Variants in ZDHHC13 observed in about 807,000 individuals in gnomAD.
The protein encoded by ZDHHC13 is zDHHC palmitoyltransferase 13.
In ZDHHC13, 85 loss-of-function variants were observed where a neutral mutation model predicts 86.0. The observed-to-expected ratio is 0.99, with a 90% CI of 0.83 to 1.18. The LOEUF (loss-of-function observed/expected upper bound fraction) is 1.18. Ranked by LOEUF, ZDHHC13 falls within the 50% of genes most tolerant of loss-of-function variation. ZDHHC13 has a pLI of 0.00. For missense variants in ZDHHC13, 711 were observed against 730.2 expected, an observed-to-expected ratio of 0.97 and a Z score of 0.30; for synonymous variants, 263 against 246.4, an observed-to-expected ratio of 1.07 and a Z score of -0.63.
chr11:19,168,531 C>A (rs1850134973), intron 14 of ZDHHC13: 1 of 152,402 alleles, frequency 6.6e-6, no homozygotes, highest in African/African-American at 2.4e-5. Context: ...AACAGTCCCA[C>A]CTTATATTCA....
chr11:19,159,050 A>C lies in ZDHHC13; in HGVS notation c.1108+10A>C. 1 of 1,523,898 alleles carries C rather than the reference A, an allele frequency of 6.6e-7. No individual in the cohort carries two copies. The highest frequency in any genetic ancestry group is 8.9e-7 in the Non-Finnish European group (1 of 1,127,018). 94.4% of individuals were successfully genotyped at this position (1,523,898 alleles called of 1,614,324 possible). A position where few individuals can be genotyped will look rare whatever the true frequency, so the allele number is the denominator to read the frequency against. On this transcript the variant is annotated intron_variant, in intron 10 of 16. Transcript: ENST00000446113. The stretch of plus-strand genomic sequence containing the variant: ...ATCTTATTTTTTCCTGATATCCTTT[A>C]AGCATCAATTTTGATGTGTATCTCA...
chr11:19,141,250 T>A lies in ZDHHC13; in HGVS notation c.28-1728T>A, dbSNP rs556496026. Among the ~76,000 whole-genome samples, 5 of 152,160 alleles carry A rather than the reference T, an allele frequency of 3.3e-5. No homozygotes were observed. In the East Asian group the frequency reaches 7.7e-4, roughly 24 times the overall value. ...GAGGATTGGTTATTATGTAAATGAG[T>A]AGTCAAAGATATCACTGTGATTAGG... On this transcript the variant is annotated intron_variant, in intron 1 of 16. Transcript: ENST00000446113.
At chr11:19,172,562 A>G (rs139343076) in intron 15 of ZDHHC13, among the ~76,000 whole-genome samples, 161 bp from the exon 16 acceptor site, 1 of 152,320 alleles carries the variant, frequency 6.6e-6, no homozygotes, top group African/African-American at 2.4e-5. Flanking sequence ...TTGGAATTAA[A>G]TGTTCTTTAC....
At position 19,175,110 on chromosome 11, in the gene ZDHHC13, C is replaced by T. The variant is rs143289998; in HGVS notation, c.1731-712C>T. On this transcript the variant is annotated intron_variant, in intron 16 of 16. Transcript: ENST00000446113. ...AGTTACTTATAAGGTTTAGGGAGGC[C>T]GGGTGCGGTGGCTCATGCCTGTAAT... is the stretch of plus-strand genomic sequence containing the variant. 6.8e-3 allele frequency among the ~76,000 whole-genome samples: 1,026 copies of T among 151,944 alleles called. 13 individuals carry two copies. The highest frequency in any genetic ancestry group is 0.023 in the African/African-American group (964 of 41,466).
rs1429755011 is a variant in ZDHHC13 at position 19,165,117 on chromosome 11, A to G, written c.1362A>G (p.Gln454=). ...ACTGCTGTGTGGCTCGATATGATCA[A>G]CACTGCCTGTGGACTGGACGGTGCA... ...VCNCCVARYD[Q]HCLWTGRCIG... The change falls in exon 13 of 17, where the codon CAA becomes CAG. Residue 454 remains glutamine, a synonymous_variant. Coordinates refer to ENST00000446113, the MANE Select transcript of ZDHHC13 (RefSeq NM_019028.3). 2 of 1,612,872 alleles carry G rather than the reference A, an allele frequency of 1.2e-6. No homozygotes were observed. Among genetic ancestry groups the G allele is most frequent in the Non-Finnish European group, 1.7e-6 (2 of 1,179,400 alleles).
chr11:19,170,474 T>A lies in ZDHHC13; in HGVS notation c.1538T>A (p.Ile513Asn). The stretch of plus-strand genomic sequence containing the variant: ...GGATTATGGACTTACCTCAATCAGA[T>A]TGTGGCCTGTTCCCCTTGGGTTTTA... The part of the protein sequence containing the change: ...EDGLWTYLNQ[I>N]VACSPWVLYI... Residue 513 changes from isoleucine to asparagine, a missense_variant, in exon 15 of 17, where the codon ATT becomes AAT. Coordinates refer to ENST00000446113, the MANE Select transcript of ZDHHC13 (RefSeq NM_019028.3). 1.9e-6 allele frequency: 3 copies of A among 1,541,338 alleles called. No homozygotes were observed. The highest frequency in any genetic ancestry group is 2.6e-6 in the Non-Finnish European group (3 of 1,144,354).
intron 1 of ZDHHC13, among the ~76,000 whole-genome samples, chr11:19,136,467 G>T (rs1236250091): frequency 6.6e-6 from 1 of 152,068 alleles, no homozygotes; most frequent in East Asian, 1.9e-4. Context: ...TGAAAGTGAC[G>T]GGGAGAATGG....
In ZDHHC13 at chr11:19,129,873, ATG is replaced by A. The variant is rs1565019991; in HGVS notation, c.27+12598_27+12599del. On this transcript the variant is annotated intron_variant, in intron 1 of 16. Transcript: ENST00000446113. Reference sequence around the variant, plus strand: ...TTTGGGAGGCCGAGGCGGGTGGATCATGAGGTCAGGAGATCGAGACCATCCTG... The same window carrying A: ...TTTGGGAGGCCGAGGCGGGTGGATCAAGGTCAGGAGATCGAGACCATCCTG... Among the ~76,000 whole-genome samples the A allele has an allele frequency of 6.8e-3, 1,038 of 152,228 alleles. 7 individuals are homozygous for A. The highest frequency in any genetic ancestry group is 0.024 in the African/African-American group (980 of 41,550).
rs1316140612 is a variant in ZDHHC13, at chr11:19,150,811, C to T, written c.584+20C>T. The T allele has an allele frequency of 1.2e-6, 2 of 1,601,308 alleles. No individual in the cohort carries two copies. The highest frequency in any genetic ancestry group is 1.3e-5 in the African/African-American group (1 of 74,894). On this transcript the variant is annotated intron_variant, in intron 6 of 16. Coordinates refer to ENST00000446113, the MANE Select transcript of ZDHHC13 (RefSeq NM_019028.3). ...AATTGGGTGAGTTTAATTTAGTCCA[C>T]TCAATCTCATTCTTGGTTCCAACTA...
chr11:19,126,307 CTGT>C (rs1166926484), intron 1 of ZDHHC13, among the ~76,000 whole-genome samples: 1 of 150,416 alleles, frequency 6.6e-6, no homozygotes, highest in Non-Finnish European at 1.5e-5. Flanking sequence ...ACCCCAGTGT[CTGT>C]TGTTCCCTTC....
At chr11:19,143,360 A>G (rs1287562087) in intron 2 of ZDHHC13, among the ~76,000 whole-genome samples, 1 of 152,222 alleles carries the variant, frequency 6.6e-6, no homozygotes, top group Non-Finnish European at 1.5e-5. Context: ...GCATGTCTTC[A>G]TCTTTGTAGC....
chr11:19,171,921 A>G (rs974484204), intron 15 of ZDHHC13, among the ~76,000 whole-genome samples: 2 of 152,176 alleles, frequency 1.3e-5, no homozygotes, highest in South Asian at 4.1e-4. Flanking sequence ...GCAAGTCAAG[A>G]TGAGTGTCTA....
chr11:19,145,402 C>T (rs1222303369), intron 2 of ZDHHC13, among the ~76,000 whole-genome samples: 2 of 152,264 alleles, frequency 1.3e-5, no homozygotes, highest in South Asian at 4.1e-4. Context: ...GCCTCCAATG[C>T]GATCTTTCTT....
chr11:19,134,796 T>A (rs1210576322), intron 1 of ZDHHC13, among the ~76,000 whole-genome samples: 1 of 152,122 alleles, frequency 6.6e-6, no homozygotes, highest in Non-Finnish European at 1.5e-5. Flanking sequence ...CCATGGCACA[T>A]GTATACCTAT....
intron 4 of ZDHHC13, chr11:19,148,792 C>T (rs1849535080): frequency 6.5e-6 from 1 of 153,934 alleles, no homozygotes; most frequent in African/African-American, 2.4e-5. Context: ...CAATGAAACC[C>T]CATCTCTACT....
At chr11:19,129,675 G>T (rs1055129111) in intron 1 of ZDHHC13, among the ~76,000 whole-genome samples, 7 of 151,946 alleles carry the variant, frequency 4.6e-5, no homozygotes, top group African/African-American at 1.7e-4. Context: ...TATATTACTG[G>T]ATTCACCTTA....
chr11:19,151,746 G>T (rs1192363155), intron 6 of ZDHHC13, among the ~76,000 whole-genome samples: 1 of 152,046 alleles, frequency 6.6e-6, no homozygotes, highest in Non-Finnish European at 1.5e-5. Flanking sequence ...TTATTTAACA[G>T]TTGATTTGAT....
chr11:19,136,466 C>T lies in ZDHHC13; in HGVS notation c.28-6512C>T, dbSNP rs559864267. On this transcript the variant is annotated intron_variant, in intron 1 of 16. Coordinates refer to ENST00000446113, the MANE Select transcript of ZDHHC13 (RefSeq NM_019028.3). ...GTCTGATTGGTGTACCTGAAAGTGA[C>T]GGGGAGAATGGAACCAAGTTGGAAA... Among the ~76,000 whole-genome samples the T allele has an allele frequency of 1.3e-3, 194 of 152,078 alleles. 1 individual carries two copies. Among genetic ancestry groups the T allele is most frequent in the African/African-American group, 4.2e-3 (173 of 41,408 alleles).
At chr11:19,129,784 T>G (rs1376056832) in intron 1 of ZDHHC13, among the ~76,000 whole-genome samples, 1 of 152,144 alleles carries the variant, frequency 6.6e-6, no homozygotes, top group East Asian at 1.9e-4. Flanking sequence ...TGGTATGTAG[T>G]GATTCTGCCT....
Sources: allele counts gnomAD v4.1 joint callset (sites outside exome capture counted in the v4.1 genomes callset), GRCh38; gene constraint gnomAD v4.1.1; transcripts MANE v1.5; gene names NCBI Gene and HGNC (gene_info 2026-07-23, HGNC 2026-07-21).